Variants in PRKN observed in about 807,000 individuals in gnomAD.
PRKN encodes parkin RBR E3 ubiquitin protein ligase.
In PRKN, 56 loss-of-function variants were observed where a neutral mutation model predicts 59.5. The observed-to-expected ratio is 0.94, with a 90% CI of 0.76 to 1.18. PRKN has a LOEUF of 1.18. Ranked by LOEUF, PRKN falls within the 50% of genes most tolerant of loss-of-function variation. PRKN has a pLI of 0.00. For synonymous variants in PRKN, 250 were observed against 222.1 expected (o/e 1.13, Z -1.12); for missense variants, 657 against 596.4 (o/e 1.10, Z -1.06).
At position 161,462,762 on chromosome 6, in the gene PRKN, G is replaced by A. The variant is rs528889537; in HGVS notation, c.1084-75885C>T. Among the ~76,000 whole-genome samples the A allele has an allele frequency of 2.8e-4, 42 of 152,252 alleles. No individual in the cohort carries two copies. Among genetic ancestry groups the A allele is most frequent in the African/African-American group, 8.4e-4 (35 of 41,546 alleles). ...ATATCACCCTGTTTCTCTGGAGAAC[G>A]GTAGCAATAAAAACACACAGAATAC... On this transcript the variant is annotated intron_variant, in intron 9 of 11. Coordinates refer to ENST00000366898, the MANE Select transcript of PRKN (RefSeq NM_004562.3). This position sits in a 1 kb window ranked among gnomAD's most constrained non-coding sequence, Gnocchi z 4.5.
intron 3 of PRKN, among the ~76,000 whole-genome samples, chr6:162,214,181 C>A (rs902803249): frequency 6.6e-6 from 1 of 152,124 alleles, no homozygotes; most frequent in East Asian, 1.9e-4. Context: ...CAAATAGGCA[C>A]CTGAAGGAAG....
chr6:162,532,551 G>A (rs1234748753), intron 1 of PRKN, among the ~76,000 whole-genome samples: 1 of 152,084 alleles, frequency 6.6e-6, no homozygotes, highest in Non-Finnish European at 1.5e-5. Flanking sequence ...GTCCTCGAGG[G>A]TGCTAATGTT....
At chr6:161,762,683 A>G (rs2128199117) in intron 7 of PRKN, among the ~76,000 whole-genome samples, 1 of 152,344 alleles carries the variant, frequency 6.6e-6, no homozygotes, top group South Asian at 2.1e-4. Context: ...CAATGCATTC[A>G]GTGTACTATA....
At chr6:162,096,790 A>G (rs113236268) in intron 4 of PRKN, among the ~76,000 whole-genome samples, 1,617 of 147,240 alleles carry the variant, frequency 0.011, 19 homozygotes, top group African/African-American at 0.039. Context: ...TTTTTTATAA[A>G]TTGCCCAGTC....
rs1320281989 is a variant in PRKN, at chr6:161,359,612, T to A, written c.1285+476A>T. On this transcript the variant is annotated intron_variant, in intron 11 of 11. Transcript: ENST00000366898. The surrounding 1 kb of genome is among the most constrained non-coding windows in gnomAD (Gnocchi z 5.4). Reference sequence around the variant, plus strand: ...GGAAGTCCCCCACTGGTACTGTGAGTCATCAGGGGCAGGCCACAGGGATCT... The same window carrying A: ...GGAAGTCCCCCACTGGTACTGTGAGACATCAGGGGCAGGCCACAGGGATCT... 6.6e-6 allele frequency among the ~76,000 whole-genome samples: 1 copy of A among 152,128 alleles called. No homozygotes were observed. Among genetic ancestry groups the A allele is most frequent in the East Asian group, 1.9e-4 (1 of 5,190 alleles).
chr6:161,525,130 G>GGTGT lies in PRKN; in HGVS notation c.1083+23720_1083+23723dup, dbSNP rs61133511. Among the ~76,000 whole-genome samples the GGTGT allele has an allele frequency of 0.092, 13,729 of 149,306 alleles. 794 individuals are homozygous for GGTGT. The highest frequency in any genetic ancestry group is 0.16 in the African/African-American group (6,611 of 40,722). ...TGACACATTCATTCATTTTCTAAAA[G>GGTGT]GTGTGTGTGTGTGTGTGTGTGTATG... On this transcript the variant is annotated intron_variant, in intron 9 of 11. Coordinates refer to ENST00000366898, the MANE Select transcript of PRKN (RefSeq NM_004562.3). This position sits in a 1 kb window ranked among gnomAD's most constrained non-coding sequence, Gnocchi z 4.7.
At chr6:161,811,721 AAG>A (rs1198953793) in intron 6 of PRKN, among the ~76,000 whole-genome samples, 1 of 152,024 alleles carries the variant, frequency 6.6e-6, no homozygotes, top group Non-Finnish European at 1.5e-5. Flanking sequence ...TCAGGAGTTC[AAG>A]ACCAGCCTGG....
rs749998440 is a variant in PRKN at position 161,410,035 on chromosome 6, C to T, written c.1084-23158G>A. Among the ~76,000 whole-genome samples the T allele has an allele frequency of 2.9e-4, 44 of 152,240 alleles. No homozygotes were observed. The highest frequency in any genetic ancestry group is 1.2e-4 in the Non-Finnish European group (8 of 68,028). The stretch of plus-strand genomic sequence containing the variant: ...CCAGGCACAGTGACCTTTCCTGTAC[C>T]TGTGCTAGGATGCAAAAGATCATAG... On this transcript the variant is annotated intron_variant, in intron 9 of 11. Transcript: ENST00000366898. The surrounding 1 kb of genome is among the most constrained non-coding windows in gnomAD (Gnocchi z 5.3).
At position 161,560,116 on chromosome 6, in the gene PRKN, G is replaced by A. The variant is rs1410432103; in HGVS notation, c.933+9239C>T. Among the ~76,000 whole-genome samples, 1 of 152,102 alleles carries A rather than the reference G, an allele frequency of 6.6e-6. No individual in the cohort carries two copies. The highest frequency in any genetic ancestry group is 2.1e-4 in the South Asian group (1 of 4,818). On this transcript the variant is annotated intron_variant, in intron 8 of 11. Transcript: ENST00000366898. The surrounding 1 kb of genome is among the most constrained non-coding windows in gnomAD (Gnocchi z 4.9). ...CTGTCAGTCCCATATGGGTCCATAC[G>A]TTTCCTAATATCAGCCAATTTCCAT...
chr6:162,247,096 T>C (rs905119330), intron 3 of PRKN, among the ~76,000 whole-genome samples: 1 of 152,140 alleles, frequency 6.6e-6, no homozygotes, highest in Non-Finnish European at 1.5e-5. Context: ...CTCTAAAAAT[T>C]GTACTATATA....
chr6:161,887,249 A>C (rs1249998491), intron 6 of PRKN, among the ~76,000 whole-genome samples: 1 of 152,178 alleles, frequency 6.6e-6, no homozygotes, highest in Non-Finnish European at 1.5e-5. Flanking sequence ...CTCAAGCTGA[A>C]TGGTTACAGA....
chr6:161,834,224 T>C (rs1792642385), intron 6 of PRKN, among the ~76,000 whole-genome samples: 1 of 151,942 alleles, frequency 6.6e-6, no homozygotes, highest in Non-Finnish European at 1.5e-5. Context: ...AAATGCAAAG[T>C]AGTAATCCAA....
intron 7 of PRKN, among the ~76,000 whole-genome samples, chr6:161,660,645 C>T (rs1784510016): frequency 6.6e-6 from 1 of 152,170 alleles, no homozygotes; most frequent in Non-Finnish European, 1.5e-5. Context: ...GCTGCCTTCC[C>T]ATGTCCTGGG....
chr6:162,184,419 G>C (rs1392144582), intron 4 of PRKN, among the ~76,000 whole-genome samples: 1 of 152,136 alleles, frequency 6.6e-6, no homozygotes, highest in Non-Finnish European at 1.5e-5. Flanking sequence ...GGAGGGACCT[G>C]GTGGGAGGTA....
intron 4 of PRKN, among the ~76,000 whole-genome samples, chr6:162,121,098 G>C (rs552004705): frequency 1.3e-5 from 2 of 152,012 alleles, no homozygotes; most frequent in South Asian, 4.1e-4. Context: ...TTGCTTGGTC[G>C]GGTCCACATA....
chr6:161,851,990 G>C (rs1793455819), intron 6 of PRKN, among the ~76,000 whole-genome samples: 1 of 151,446 alleles, frequency 6.6e-6, no homozygotes, highest in Non-Finnish European at 1.5e-5. Flanking sequence ...AAGAGGCTGA[G>C]GCAGGAGAAT....
intron 2 of PRKN, among the ~76,000 whole-genome samples, chr6:162,375,742 T>TAC (rs60180187): frequency 0.047 from 7,034 of 149,054 alleles, 449 homozygotes; most frequent in African/African-American, 0.14. Flanking sequence ...TATGGCTTTG[T>TAC]ACACACACAC....
rs894839746 is a variant in PRKN, at chr6:161,544,317, G to A, written c.1083+4537C>T. Among the ~76,000 whole-genome samples the A allele has an allele frequency of 5.3e-5, 8 of 152,094 alleles. No individual in the cohort carries two copies. The highest frequency in any genetic ancestry group is 2.6e-4 in the Admixed American group (4 of 15,268). On this transcript the variant is annotated intron_variant, in intron 9 of 11. Transcript: ENST00000366898. This position sits in a 1 kb window ranked among gnomAD's most constrained non-coding sequence, Gnocchi z 5.5. ...TTTGGTTTTCTGAATTATATACTAT[G>A]TGTGCTATTAAAACACTGTATATTG...
chr6:162,652,233 T>A (rs1778471555), intron 1 of PRKN, among the ~76,000 whole-genome samples: 1 of 152,194 alleles, frequency 6.6e-6, no homozygotes, highest in Non-Finnish European at 1.5e-5. Flanking sequence ...GGTGTCTAGC[T>A]TGCCTTTACA....
Sources: allele counts gnomAD v4.1 joint callset (sites outside exome capture counted in the v4.1 genomes callset), GRCh38; gene constraint gnomAD v4.1.1; non-coding constraint Gnocchi (gnomAD v3.1); transcripts MANE v1.5; gene names NCBI Gene and HGNC (gene_info 2026-07-23, HGNC 2026-07-21).